RUNX1: variants seen among roughly 807,000 people sequenced by gnomAD.
The protein encoded by RUNX1 is RUNX family transcription factor 1, also known as runt-related transcription factor 1.
RUNX1 carries 19 observed loss-of-function variants against 42.8 expected under a neutral mutation model. That is an observed-to-expected ratio of 0.44 (90% CI 0.31 to 0.65). The LOEUF (loss-of-function observed/expected upper bound fraction) is 0.65, where lower values mean the gene tolerates loss of function less well. RUNX1 is among the 30% of genes least tolerant of loss of function. The probability of loss-of-function intolerance (pLI) is 0.07; values close to 1 mark genes in which losing one functional copy is unlikely to be tolerated. For missense variants in RUNX1, 528 were observed against 672.0 expected (o/e 0.79, Z 2.37); for synonymous variants, 271 against 289.4 (o/e 0.94, Z 0.64).
At chr21:34,880,812 C>T in intron 4 of RUNX1, 99 bp from the exon 5 acceptor site, 2 of 1,232,802 alleles carry the variant, frequency 1.6e-6, no homozygotes, top group South Asian at 1.3e-5. Flanking sequence ...AATGTATATT[C>T]AATGATTTCT....
At chr21:34,905,538 G>C (rs1184323612) in intron 2 of RUNX1, among the ~76,000 whole-genome samples, 1 of 152,186 alleles carries the variant, frequency 6.6e-6, no homozygotes, top group Non-Finnish European at 1.5e-5. Flanking sequence ...CATTCCTTTA[G>C]TGAAGATATG....
In RUNX1 at chr21:34,792,297, G is replaced by A. The variant is rs2145874067; in HGVS notation, c.1281C>T (p.Arg427=). ...AGGCGTTGGTGCAGGGCGGCAGGAT[G>A]CGCGGCGGCGAGCGCTCGCCGCCCA... ...SMVGGERSPP[R]ILPPCTNAST... is the part of the protein sequence containing the mutation. Residue 427 remains arginine, a synonymous_variant, in exon 9 of 9, where the codon CGC becomes CGT. Transcript: ENST00000675419. The surrounding 1 kb of genome is among the most constrained non-coding windows in gnomAD (Gnocchi z 6.9). 6.5e-7 allele frequency: 1 copy of A among 1,542,354 alleles called. No homozygotes were observed.
At chr21:34,929,026 T>G (rs2058419974) in intron 2 of RUNX1, among the ~76,000 whole-genome samples, 1 of 151,874 alleles carries the variant, frequency 6.6e-6, no homozygotes, top group Non-Finnish European at 1.5e-5. Context: ...CTCTCTTAAA[T>G]TCTCGAACCT....
At chr21:34,892,826 T>C in intron 3 of RUNX1, 99 bp downstream of exon 3, 1 of 743,408 alleles carries the variant, frequency 1.3e-6, no homozygotes, top group Non-Finnish European at 2.3e-6. Flanking sequence ...GGTTAAATTA[T>C]ATCACAAGTT....
rs144376286 is a variant in RUNX1 at position 34,846,752 on chromosome 21, G to A, written c.614-12151C>T. ...CAGCCCTCAAGACTCAAATTTCAGT[G>A]GTTTCCAGTTCTTTCTCCCTGCACT... On this transcript the variant is annotated intron_variant, in intron 6 of 8. Coordinates refer to ENST00000675419, the MANE Select transcript of RUNX1 (RefSeq NM_001754.5). Among the ~76,000 whole-genome samples the A allele has an allele frequency of 7.9e-4, 120 of 152,244 alleles. 1 individual carries two copies. Among genetic ancestry groups the A allele is most frequent in the Non-Finnish European group, 1.3e-3 (90 of 68,012 alleles).
At chr21:34,921,711 C>T (rs1250930777) in intron 2 of RUNX1, among the ~76,000 whole-genome samples, 1 of 152,114 alleles carries the variant, frequency 6.6e-6, no homozygotes, top group Non-Finnish European at 1.5e-5. Context: ...GGGCTCACTG[C>T]ACCCTCTGCC....
At chr21:34,858,015 G>C (rs555133871) in intron 6 of RUNX1, among the ~76,000 whole-genome samples, 8 of 152,350 alleles carry the variant, frequency 5.3e-5, no homozygotes, top group African/African-American at 1.9e-4. Flanking sequence ...AATGCAGTCA[G>C]ATCTGGAGGG....
intron 2 of RUNX1, among the ~76,000 whole-genome samples, chr21:34,929,475 T>C (rs1302226914): frequency 3.9e-5 from 6 of 152,168 alleles, no homozygotes; most frequent in Non-Finnish European, 5.9e-5. Flanking sequence ...TCTCTGCTCT[T>C]TATCTAAGAG....
chr21:34,910,173 C>G (rs2058260716), intron 2 of RUNX1, among the ~76,000 whole-genome samples: 1 of 152,224 alleles, frequency 6.6e-6, no homozygotes, highest in Non-Finnish European at 1.5e-5. Flanking sequence ...GGTTCTCAGA[C>G]TTTGCAGCTC....
intron 2 of RUNX1, among the ~76,000 whole-genome samples, chr21:34,985,826 T>C (rs2058881900): frequency 6.6e-6 from 1 of 151,898 alleles, no homozygotes; most frequent in Non-Finnish European, 1.5e-5. Flanking sequence ...CAAATGGTTT[T>C]AGAGAAAGTG....
intron 2 of RUNX1, among the ~76,000 whole-genome samples, chr21:35,034,733 G>T (rs1195895156): frequency 6.6e-6 from 1 of 152,196 alleles, no homozygotes; most frequent in South Asian, 2.1e-4. Flanking sequence ...GTCAACTGTG[G>T]CGAGGTCGGG....
At chr21:34,959,344 C>T (rs2058667689) in intron 2 of RUNX1, among the ~76,000 whole-genome samples, 1 of 152,166 alleles carries the variant, frequency 6.6e-6, no homozygotes, top group Non-Finnish European at 1.5e-5. Context: ...GCAAGGTACG[C>T]AAGCTCTCTG....
At chr21:34,953,329 T>C (rs561852547) in intron 2 of RUNX1, among the ~76,000 whole-genome samples, 2 of 152,306 alleles carry the variant, frequency 1.3e-5, no homozygotes, top group East Asian at 3.9e-4. Context: ...AGGTAAGAGA[T>C]GTCATTTCCC....
At chr21:34,884,172 A>T (rs1400290202) in intron 4 of RUNX1, among the ~76,000 whole-genome samples, 1 of 152,226 alleles carries the variant, frequency 6.6e-6, no homozygotes, top group East Asian at 1.9e-4. Flanking sequence ...AGTAAAAAAC[A>T]TGTATCTCTC....
chr21:34,829,525 T>C (rs2057034446), intron 7 of RUNX1, among the ~76,000 whole-genome samples: 1 of 152,238 alleles, frequency 6.6e-6, no homozygotes, highest in South Asian at 2.1e-4. Flanking sequence ...AAGATTATAA[T>C]GCTATAGACC....
intron 6 of RUNX1, among the ~76,000 whole-genome samples, chr21:34,838,600 T>C (rs192957490): frequency 7.0e-4 from 107 of 152,362 alleles, no homozygotes; most frequent in African/African-American, 2.5e-3. Flanking sequence ...GGCCAGTCAA[T>C]TGGATACTCA....
At chr21:34,857,119 T>C (rs1472371725) in intron 6 of RUNX1, among the ~76,000 whole-genome samples, 1 of 152,220 alleles carries the variant, frequency 6.6e-6, no homozygotes, top group Non-Finnish European at 1.5e-5. Flanking sequence ...CCTGGGGCTA[T>C]TGCACCTCTA....
At position 34,792,027 on chromosome 21, in the gene RUNX1, C is replaced by A; in HGVS notation, c.*108G>T. 1 of 698,704 alleles carries A rather than the reference C, an allele frequency of 1.4e-6. No individual in the cohort carries two copies. 43.3% of individuals were successfully genotyped at this position (698,704 alleles called of 1,614,324 possible). A position where few individuals can be genotyped will look rare whatever the true frequency, so the allele number is the denominator to read the frequency against. On this transcript the variant is annotated 3_prime_UTR_variant, in exon 9 of 9. Transcript: ENST00000675419. The surrounding 1 kb of genome is among the most constrained non-coding windows in gnomAD (Gnocchi z 6.9). ...GGCGCCCTCGGCCCCAGGACGGTGG[C>A]CGGGCCCAGGGCCCGGGATCCCGGC...
rs1047088466 is a variant in RUNX1 at position 35,022,244 on chromosome 21, C to T, written c.58+26598G>A. On this transcript the variant is annotated intron_variant, in intron 2 of 8. Coordinates refer to ENST00000675419, the MANE Select transcript of RUNX1 (RefSeq NM_001754.5). ...TTGAACAGACGAAAGAGGGTGGAAG[C>T]GTCTGCACCAGGTGTGTGCAGGCAA... 3.3e-5 allele frequency among the ~76,000 whole-genome samples: 5 copies of T among 152,248 alleles called. No homozygotes were observed. In the South Asian group the frequency reaches 6.2e-4, roughly 19 times the overall value.
Sources: allele counts gnomAD v4.1 joint callset (sites outside exome capture counted in the v4.1 genomes callset), GRCh38; gene constraint gnomAD v4.1.1; non-coding constraint Gnocchi (gnomAD v3.1); transcripts MANE v1.5; gene names NCBI Gene and HGNC (gene_info 2026-07-23, HGNC 2026-07-21).